The following CCNB3 variants were observed in gnomAD, a reference collection of about 807,000 sequenced individuals.
CCNB3 encodes cyclin B3.
In CCNB3, 12 loss-of-function variants were observed where a neutral mutation model predicts 68.0. The observed-to-expected ratio is 0.18, with a 90% CI of 0.11 to 0.29. The LOEUF (loss-of-function observed/expected upper bound fraction) is 0.29, where lower values mean the gene tolerates loss of function less well. CCNB3 is among the 10% of genes least tolerant of loss of function. The pLI, the probability that CCNB3 is intolerant of heterozygous loss-of-function variation, is 1.00. For synonymous variants in CCNB3, 354 were observed against 388.9 expected (o/e 0.91, Z 1.06); for missense variants, 904 against 993.1 (o/e 0.91, Z 1.21).
At chrX:50,290,252 A>G (rs1189639963) in intron 4 of CCNB3, among the ~76,000 whole-genome samples, 1 of 111,807 alleles carries the variant, frequency 8.9e-6, no homozygotes, top group Non-Finnish European at 1.9e-5. Context: ...CTTAAAAACA[A>G]CAGAAAGTTA....
chrX:50,330,412 G>A (rs1204672470), intron 8 of CCNB3, among the ~76,000 whole-genome samples: 3 of 111,693 alleles, frequency 2.7e-5, no homozygotes, highest in African/African-American at 9.8e-5. Context: ...TTCCTTTGAG[G>A]CAGAAATTGG....
intron 1 of CCNB3, among the ~76,000 whole-genome samples, chrX:50,228,484 G>C (rs906203845): frequency 1.1e-5 from 1 of 90,437 alleles, no homozygotes; most frequent in East Asian, 3.2e-4. Context: ...TATAGAATAT[G>C]TATAGAGGAT....
rs1280694766 is a variant in CCNB3, at chrX:50,226,200, G to T, written c.-113+21250G>T. ...ATATATAGATATATAAATATATATA[G>T]AATATATATATTTATATATATAGAA... On this transcript the variant is annotated intron_variant, in intron 1 of 12. Transcript: ENST00000376042. Among the ~76,000 whole-genome samples the T allele has an allele frequency of 6.5e-4, 37 of 56,684 alleles. 1 individual carries two copies. Among genetic ancestry groups the T allele is most frequent in the African/African-American group, 3.4e-3 (36 of 10,740 alleles). The allele number at this position is 56,684 out of a possible 115,157, so 49.2% of individuals were successfully genotyped here.
Position 50,351,608 on chromosome X carries a change from G to A in CCNB3, c.4093G>A (p.Val1365Ile). The change falls in exon 13 of 13, where the codon GTC (valine) becomes ATC (isoleucine). Residue 1365 changes from valine to isoleucine, a missense_variant and splice_region_variant. Coordinates refer to ENST00000376042, the MANE Select transcript of CCNB3 (RefSeq NM_033031.3). ...KAVYYKYSHP[V>I]FFEVAKIPAL... is the part of the protein sequence containing the mutation. ...AGGAGACCCCTCTTCCTTTTGCAGG[G>A]TCTTCTTTGAAGTCGCCAAAATCCC... The A allele has an allele frequency of 8.3e-7, 1 of 1,209,445 alleles. No individual in the cohort carries two copies. The highest frequency in any genetic ancestry group is 1.1e-6 in the Non-Finnish European group (1 of 893,741).
chrX:50,326,710 T>C (rs1922312935), intron 8 of CCNB3, among the ~76,000 whole-genome samples: 1 of 111,738 alleles, frequency 8.9e-6, no homozygotes, highest in African/African-American at 3.2e-5. Flanking sequence ...TTCAGTGTCC[T>C]CTCAGACCTT....
At chrX:50,326,097 A>G (rs1166303174) in intron 8 of CCNB3, among the ~76,000 whole-genome samples, 1 of 111,791 alleles carries the variant, frequency 8.9e-6, no homozygotes, top group Non-Finnish European at 1.9e-5. Context: ...GTATAGATCT[A>G]TGACATTCTT....
Position 50,294,932 on chromosome X carries a change from A to AAGAT in CCNB3, c.276_279dup (p.Asn94AspfsTer15). 8.3e-7 allele frequency: 1 copy of AAGAT among 1,210,419 alleles called. No individual in the cohort carries two copies. Among genetic ancestry groups the AAGAT allele is most frequent in the Non-Finnish European group, 1.1e-6 (1 of 894,511 alleles). Reference sequence around the variant, plus strand: ...AGAGTTTGTAAAAGTTGTTTCCAAGAAGATAAACAGGAACACACATGCTCT... The same window carrying AAGAT: ...AGAGTTTGTAAAAGTTGTTTCCAAGAAGATAGATAAACAGGAACACACATGCTCT... On this transcript the variant is annotated frameshift_variant, in exon 5 of 13. Coordinates refer to ENST00000376042, the MANE Select transcript of CCNB3 (RefSeq NM_033031.3). LOFTEE classifies it high-confidence loss of function.
Position 50,310,446 on chromosome X carries a change from G to A in CCNB3, c.2277G>A (p.Val759=), listed in dbSNP as rs1284454597. 11 of 1,209,306 alleles carry A rather than the reference G, an allele frequency of 9.1e-6. No individual in the cohort carries two copies. The highest frequency in any genetic ancestry group is 3.5e-5 in the African/African-American group (2 of 57,483). ...AGAAGTCCACTTCTCATGGAAAAGT[G>A]TTCTTCCTGAAGAAGCAGTTGGCTT... is the stretch of plus-strand genomic sequence containing the variant. ...LKKKSTSHGK[V]FFLKKQLALN... Residue 759 remains valine (V), a synonymous_variant, in exon 6 of 13, where the codon GTG becomes GTA. Transcript: ENST00000376042.
In CCNB3 at chrX:50,328,628, A is replaced by G. The variant is rs577137450; in HGVS notation, c.3517-13574A>G. Among the ~76,000 whole-genome samples the G allele has an allele frequency of 3.4e-3, 384 of 111,343 alleles. 2 individuals carry two copies. Among genetic ancestry groups the G allele is most frequent in the South Asian group, 0.018 (46 of 2,584 alleles). ...GACAACATCCAAACTATATCATTTC[A>G]CCCCTGGCCCCTCAAATTTCACATT... On this transcript the variant is annotated intron_variant, in intron 8 of 12. Coordinates refer to ENST00000376042, the MANE Select transcript of CCNB3 (RefSeq NM_033031.3).
At chrX:50,216,864 T>TGA (rs1935580787) in intron 1 of CCNB3, among the ~76,000 whole-genome samples, 1 of 111,493 alleles carries the variant, frequency 9.0e-6, no homozygotes, top group African/African-American at 3.3e-5. Context: ...TGTGTGTGTG[T>TGA]GTGTGTGTGT....
chrX:50,279,696 A>T (rs1030873096), intron 1 of CCNB3, among the ~76,000 whole-genome samples: 7 of 90,823 alleles, frequency 7.7e-5, no homozygotes, highest in African/African-American at 2.8e-4. Flanking sequence ...ATGCAAACAT[A>T]TATGTGAATA....
rs201452605 is a variant in CCNB3 at position 50,309,881 on chromosome X, G to A, written c.1712G>A (p.Arg571Lys). ...TTCTTTATGGAGCCAATGTCATTTA[G>A]GAAGAACCCTACAACTGAGGAGACA... ...NSFFMEPMSF[R>K]KNPTTEETVL... is the part of the protein sequence containing the mutation. The change falls in exon 6 of 13, where the codon AGG becomes AAG. Residue 571 changes from arginine to lysine, a missense_variant. Around this residue, in one of 2 missense-constraint regions of CCNB3, gnomAD observed 619 missense variants for 609.8 expected, o/e 1.02. Coordinates refer to ENST00000376042, the MANE Select transcript of CCNB3 (RefSeq NM_033031.3). The A allele has an allele frequency of 2.5e-4, 304 of 1,209,218 alleles. No individual in the cohort carries two copies. The highest frequency in any genetic ancestry group is 3.1e-4 in the Non-Finnish European group (276 of 894,799).
rs782510940 is a variant in CCNB3, at chrX:50,341,274, G to A, written c.3517-928G>A. Among the ~76,000 whole-genome samples, 15 of 108,656 alleles carry A rather than the reference G, an allele frequency of 1.4e-4. 1 individual carries two copies. In the South Asian group the frequency reaches 2.0e-3, roughly 14 times the overall value. 94.4% of individuals were successfully genotyped at this position (108,656 alleles called of 115,157 possible). A position where few individuals can be genotyped will look rare whatever the true frequency, so the allele number is the denominator to read the frequency against. On this transcript the variant is annotated intron_variant, in intron 8 of 12. Coordinates refer to ENST00000376042, the MANE Select transcript of CCNB3 (RefSeq NM_033031.3). ...GAACCCGGGAGGCGGAGCTTGCAGT[G>A]AGCCGAGATCGCACCACTGCACTCC... is the stretch of plus-strand genomic sequence containing the variant.
At chrX:50,214,750 A>G (rs1935542727) in intron 1 of CCNB3, among the ~76,000 whole-genome samples, 2 of 104,387 alleles carry the variant, frequency 1.9e-5, no homozygotes, top group Admixed American at 2.1e-4. Context: ...TAGAGACAGA[A>G]TGTCCCTACG....
intron 4 of CCNB3, among the ~76,000 whole-genome samples, chrX:50,290,637 C>T (rs959280285): frequency 1.8e-5 from 2 of 111,814 alleles, no homozygotes; most frequent in Non-Finnish European, 3.8e-5. Context: ...TCAGAAAGAA[C>T]AGATATACAT....
At position 50,288,806 on chromosome X, in the gene CCNB3, A is replaced by ATCTCCATCTTCACTTCAGGAG. The variant is rs782225017; in HGVS notation, c.143_163dup (p.Glu48_Gln54dup). ...CGGGGGAGAATTGCCAAACGAAGAT[A>ATCTCCATCTTCACTTCAGGAG]TCTCCATCTTCACTTCAGGAGTCTC... On this transcript the variant is annotated inframe_insertion, in exon 4 of 13. Coordinates refer to ENST00000376042, the MANE Select transcript of CCNB3 (RefSeq NM_033031.3). 8.3e-7 allele frequency: 1 copy of ATCTCCATCTTCACTTCAGGAG among 1,207,294 alleles called. No individual in the cohort carries two copies. Among genetic ancestry groups the ATCTCCATCTTCACTTCAGGAG allele is most frequent in the African/African-American group, 1.7e-5 (1 of 57,723 alleles).
intron 1 of CCNB3, among the ~76,000 whole-genome samples, chrX:50,227,629 G>T (rs1299526735): frequency 2.1e-4 from 12 of 57,303 alleles, no homozygotes; most frequent in African/African-American, 7.5e-4. Flanking sequence ...TATATAGAGA[G>T]AATACATATA....
chrX:50,214,510 T>TATATATATATATA (rs1935535775), intron 1 of CCNB3, among the ~76,000 whole-genome samples: 1 of 8,501 alleles, frequency 1.2e-4, no homozygotes. Flanking sequence ...ATATATATAT[T>TATATATATATATA]TTAGCTGTGA....
At chrX:50,350,534 G>C (rs1923620516) in intron 11 of CCNB3, among the ~76,000 whole-genome samples, 1 of 111,590 alleles carries the variant, frequency 9.0e-6, no homozygotes, top group Non-Finnish European at 1.9e-5. Flanking sequence ...AGGAGGATCA[G>C]CCTTAAGTTC....
Sources: gnomAD v4.1 joint callset for allele counts (sites outside exome capture counted in the v4.1 genomes callset) on GRCh38, gnomAD v4.1.1 for gene constraint, gnomAD v4.1.1 regional missense constraint, MANE v1.5 for transcripts, NCBI Gene and HGNC (gene_info 2026-07-23, HGNC 2026-07-21) for gene names.